The following ZNF385D variants were observed in gnomAD, a reference collection of about 807,000 sequenced individuals.
The protein encoded by ZNF385D is zinc finger protein 385D, also known as zinc finger protein 659.
ZNF385D carries 15 observed loss-of-function variants against 35.8 expected under a neutral mutation model. The observed-to-expected ratio is 0.42, with a 90% CI of 0.28 to 0.64. The LOEUF (loss-of-function observed/expected upper bound fraction) is 0.64, where lower values mean the gene tolerates loss of function less well. Ranked by LOEUF, ZNF385D falls within the 30% of genes least tolerant of loss-of-function variation. ZNF385D has a pLI of 0.23. For missense variants in ZNF385D, 474 were observed against 494.6 expected (o/e 0.96, Z 0.39); for synonymous variants, 212 against 186.8 (o/e 1.13, Z -1.10).
At chr3:22,337,791 G>T (rs963171863) in intron 2 of ZNF385D, among the ~76,000 whole-genome samples, 2 of 152,182 alleles carry the variant, frequency 1.3e-5, no homozygotes, top group Non-Finnish European at 2.9e-5. Context: ...GGAAAAGAAT[G>T]GAACCATGTT....
At chr3:22,275,772 T>C (rs1015183228) in intron 2 of ZNF385D, among the ~76,000 whole-genome samples, 35 of 152,248 alleles carry the variant, frequency 2.3e-4, no homozygotes, top group African/African-American at 8.2e-4. Context: ...TAAATTAGCA[T>C]ATGCATGTTC....
chr3:22,008,256 G>A (rs553925805), intron 3 of ZNF385D, among the ~76,000 whole-genome samples: 2 of 151,928 alleles, frequency 1.3e-5, no homozygotes, highest in South Asian at 2.1e-4. Context: ...GAGATGACAA[G>A]GAAATATGCT....
chr3:21,574,232 G>T (rs1047601090), intron 2 of ZNF385D, among the ~76,000 whole-genome samples: 2 of 152,020 alleles, frequency 1.3e-5, no homozygotes, highest in South Asian at 2.1e-4. Context: ...ACTTGAATGC[G>T]ATCAAGACTC....
At chr3:22,263,219 A>G (rs1433176983) in intron 2 of ZNF385D, among the ~76,000 whole-genome samples, 2 of 151,988 alleles carry the variant, frequency 1.3e-5, no homozygotes, top group African/African-American at 4.8e-5. Context: ...GCAATGACGT[A>G]CTGTGCCTGG....
At chr3:21,642,353 C>A (rs1379971257) in intron 2 of ZNF385D, among the ~76,000 whole-genome samples, 2 of 152,024 alleles carry the variant, frequency 1.3e-5, no homozygotes, top group African/African-American at 4.8e-5. Flanking sequence ...CTTTGTGTGT[C>A]CAAGTCCTTG....
intron 3 of ZNF385D, among the ~76,000 whole-genome samples, chr3:22,019,677 C>A (rs1697109138): frequency 6.6e-6 from 1 of 151,864 alleles, no homozygotes; most frequent in African/African-American, 2.4e-5. Context: ...TCCAAATATC[C>A]CCCAAAGTTC....
intron 2 of ZNF385D, among the ~76,000 whole-genome samples, chr3:22,327,501 C>T (rs1304168341): frequency 6.6e-6 from 1 of 152,134 alleles, no homozygotes; most frequent in Non-Finnish European, 1.5e-5. Flanking sequence ...AAGTTATACC[C>T]ATCACATTGA....
chr3:21,751,225 C>T, upstream of ZNF385D: 4 of 1,245,264 alleles, frequency 3.2e-6, no homozygotes, highest in South Asian at 1.9e-5. Context: ...GTACTACAAG[C>T]AGACCCCTCC....
chr3:21,885,898 G>C (rs1056994365), intron 3 of ZNF385D, among the ~76,000 whole-genome samples: 1 of 151,972 alleles, frequency 6.6e-6, no homozygotes, highest in East Asian at 1.9e-4. Flanking sequence ...TAGCTCAGTG[G>C]AGGTCAGTCT....
chr3:21,745,616 T>G (rs973296193), intron 1 of ZNF385D, among the ~76,000 whole-genome samples: 2 of 152,238 alleles, frequency 1.3e-5, no homozygotes, highest in African/African-American at 4.8e-5. Context: ...TGTGTGAAAT[T>G]CTGTTGCAAA....
chr3:21,590,800 C>T (rs2063952193), intron 2 of ZNF385D, among the ~76,000 whole-genome samples: 1 of 152,090 alleles, frequency 6.6e-6, no homozygotes, highest in South Asian at 2.1e-4. Context: ...AAATTAATCT[C>T]ATTTCCATTA....
chr3:22,195,276 T>G (rs1030965467), intron 2 of ZNF385D, among the ~76,000 whole-genome samples: 1 of 152,000 alleles, frequency 6.6e-6, no homozygotes, highest in Non-Finnish European at 1.5e-5. Context: ...GAAACATATT[T>G]TAATGTGTTT....
chr3:21,658,421 A>G (rs2066136855), intron 2 of ZNF385D, among the ~76,000 whole-genome samples: 1 of 152,052 alleles, frequency 6.6e-6, no homozygotes, highest in African/African-American at 2.4e-5. Context: ...GATGTCAGTT[A>G]TCTAATGCAT....
intron 3 of ZNF385D, among the ~76,000 whole-genome samples, chr3:22,111,184 T>A (rs1702507399): frequency 7.9e-6 from 1 of 126,948 alleles, no homozygotes; most frequent in African/African-American, 3.1e-5. Context: ...TTTGTTTTTT[T>A]TGTACTCTCA....
At chr3:21,626,938 T>A (rs554653960) in intron 2 of ZNF385D, among the ~76,000 whole-genome samples, 1 of 151,976 alleles carries the variant, frequency 6.6e-6, no homozygotes, top group South Asian at 2.1e-4. Context: ...AACTGGGTAT[T>A]GAGGGGCTTA....
chr3:21,602,601 C>T (rs377360296), intron 2 of ZNF385D, among the ~76,000 whole-genome samples: 9 of 139,004 alleles, frequency 6.5e-5, no homozygotes, highest in Non-Finnish European at 9.1e-5. Context: ...GGCGCAATCT[C>T]GGCTCACTGC....
chr3:22,273,378 G>A (rs1701274805), intron 2 of ZNF385D, among the ~76,000 whole-genome samples: 1 of 151,984 alleles, frequency 6.6e-6, no homozygotes, highest in African/African-American at 2.4e-5. Flanking sequence ...TCCCAGGACA[G>A]TTGTTCTCAG....
At position 21,421,451 on chromosome 3, in the gene ZNF385D, C is replaced by T. The variant is rs201219103; in HGVS notation, c.955-4G>A. The T allele has an allele frequency of 3.8e-6, 6 of 1,596,978 alleles. No homozygotes were observed. In the African/African-American group the frequency reaches 6.7e-5, roughly 18 times the overall value. ...CTTTTGAAAATACTAATTTTACCTG[C>T]AAGGGAGAAAAAATATTGTAAAAAA... On this transcript the variant is annotated splice_polypyrimidine_tract_variant and splice_region_variant and intron_variant, in intron 7 of 7. Transcript: ENST00000281523.
At chr3:21,795,269 G>A (rs1444364857) in intron 3 of ZNF385D, among the ~76,000 whole-genome samples, 1 of 152,150 alleles carries the variant, frequency 6.6e-6, no homozygotes, top group Non-Finnish European at 1.5e-5. Flanking sequence ...GGCCTCAGGG[G>A]CCCCATTGGA....
Sources: allele counts gnomAD v4.1 joint callset (sites outside exome capture counted in the v4.1 genomes callset), GRCh38; gene constraint gnomAD v4.1.1; transcripts MANE v1.5; gene names NCBI Gene and HGNC (gene_info 2026-07-23, HGNC 2026-07-21).